The following KL variants were observed in gnomAD, a reference collection of about 807,000 sequenced individuals.
KL encodes klotho, also known as alpha-klotho.
In KL, 62 loss-of-function variants were observed where a neutral mutation model predicts 84.2. The ratio of observed to expected loss-of-function variants is 0.74; its 90% CI spans 0.60 to 0.91. The LOEUF is 0.91. Ranked by LOEUF, KL falls within the 40% of genes least tolerant of loss-of-function variation. The pLI is 0.00. For missense variants in KL, 1,261 were observed against 1,305.7 expected, an observed-to-expected ratio of 0.97 and a Z score of 0.53; for synonymous variants, 528 against 528.0, an observed-to-expected ratio of 1.00 and a Z score of 0.00.
At position 33,064,168 on chromosome 13, in the gene KL, CAGA is replaced by C. The variant is rs1159689975; in HGVS notation, c.3027_3029del (p.Arg1009del). ...TTATATTTTACTACTCGAAGAAAGG[CAGA>C]AGAAGTTACAAATAGTTCTGAACAT... On this transcript the variant is annotated inframe_deletion, in exon 5 of 5. Coordinates refer to ENST00000380099, the MANE Select transcript of KL (RefSeq NM_004795.4). 6 of 1,604,562 alleles carry C rather than the reference CAGA, an allele frequency of 3.7e-6. No individual in the cohort carries two copies. In the South Asian group the frequency reaches 4.4e-5, roughly 12 times the overall value.
At chr13:33,057,170 G>A (rs1031721823) in intron 3 of KL, among the ~76,000 whole-genome samples, 5 of 152,112 alleles carry the variant, frequency 3.3e-5, no homozygotes, top group African/African-American at 1.2e-4. Flanking sequence ...GCTCCCTGCT[G>A]AGCACGGATC....
chr13:33,026,945 AG>A (rs1238272679), intron 1 of KL, among the ~76,000 whole-genome samples: 2 of 152,178 alleles, frequency 1.3e-5, no homozygotes, highest in African/African-American at 4.8e-5. Context: ...CAACAATGTC[AG>A]GCATTTCCGC....
In KL at chr13:33,065,473, G is replaced by T. The variant is rs1311512134; in HGVS notation, c.*1287G>T. 1 of 192,070 alleles carries T rather than the reference G, an allele frequency of 5.2e-6. No individual in the cohort carries two copies. Among genetic ancestry groups the T allele is most frequent in the East Asian group, 8.3e-5 (1 of 12,084 alleles). The allele number at this position is 192,070 out of a possible 1,614,324, so 11.9% of individuals were successfully genotyped here. A position where few individuals can be genotyped will look rare whatever the true frequency, so the allele number is the denominator to read the frequency against. ...TACACTGGAGCTGTTTTATAGATAA[G>T]TCAATATTGTATCAGGCAAGATAAA... On this transcript the variant is annotated 3_prime_UTR_variant, in exon 5 of 5. Coordinates refer to ENST00000380099, the MANE Select transcript of KL (RefSeq NM_004795.4).
intron 1 of KL, among the ~76,000 whole-genome samples, chr13:33,030,106 C>T (rs1053923379): frequency 7.2e-5 from 11 of 152,022 alleles, no homozygotes; most frequent in African/African-American, 2.7e-4. Context: ...TACAAGGAAC[C>T]CATGCCTGAG....
At chr13:33,063,495 G>A (rs952213256) in intron 4 of KL, among the ~76,000 whole-genome samples, 1 of 152,054 alleles carries the variant, frequency 6.6e-6, no homozygotes, top group African/African-American at 2.4e-5. Flanking sequence ...AAAAGTGGCC[G>A]GGCGTGGTGA....
chr13:33,019,730 T>TGAGAGAGAGA (rs1189787025), intron 1 of KL, among the ~76,000 whole-genome samples: 2 of 88,544 alleles, frequency 2.3e-5, no homozygotes, highest in African/African-American at 3.8e-5. Flanking sequence ...TGTGTGTGTG[T>TGAGAGAGAGA]GTGAGAGAGA....
In KL at chr13:33,065,346, G is replaced by T; in HGVS notation, c.*1160G>T. 1 of 206,208 alleles carries T rather than the reference G, an allele frequency of 4.8e-6. No individual in the cohort carries two copies. Among genetic ancestry groups the T allele is most frequent in the Non-Finnish European group, 9.9e-6 (1 of 100,642 alleles). 12.8% of individuals were successfully genotyped at this position (206,208 alleles called of 1,614,324 possible). On this transcript the variant is annotated 3_prime_UTR_variant, in exon 5 of 5. Coordinates refer to ENST00000380099, the MANE Select transcript of KL (RefSeq NM_004795.4). ...AACTAGTTTTACTTTGAACTTTCACGCTGAAACATGCTAGTGATATCTAGA... is the reference window on the plus strand; with the variant it reads ...AACTAGTTTTACTTTGAACTTTCACTCTGAAACATGCTAGTGATATCTAGA...
chr13:33,040,316 G>A (rs1366031527), intron 1 of KL, among the ~76,000 whole-genome samples: 1 of 152,164 alleles, frequency 6.6e-6, no homozygotes, highest in Non-Finnish European at 1.5e-5. Flanking sequence ...CCACACAGTA[G>A]CAGTGACTTT....
chr13:33,017,853 C>G (rs1870430509), intron 1 of KL, among the ~76,000 whole-genome samples: 2 of 152,184 alleles, frequency 1.3e-5, no homozygotes, highest in South Asian at 4.1e-4. Flanking sequence ...GTGAAGACCG[C>G]TTTATACAAT....
At chr13:33,057,484 C>T (rs1340420155) in intron 3 of KL, among the ~76,000 whole-genome samples, 1 of 152,186 alleles carries the variant, frequency 6.6e-6, no homozygotes, top group Non-Finnish European at 1.5e-5. Flanking sequence ...TTTCCTACTA[C>T]ACTCTAGAAG....
chr13:33,021,587 T>C (rs919342106), intron 1 of KL, among the ~76,000 whole-genome samples: 5 of 152,168 alleles, frequency 3.3e-5, no homozygotes, highest in African/African-American at 1.2e-4. Context: ...TTTCTTTCAT[T>C]AAAATGTATT....
At chr13:33,058,107 G>A (rs1872032453) in intron 3 of KL, among the ~76,000 whole-genome samples, 1 of 151,984 alleles carries the variant, frequency 6.6e-6, no homozygotes, top group Non-Finnish European at 1.5e-5. Flanking sequence ...CCATAACCAC[G>A]GATGCTCATA....
intron 3 of KL, among the ~76,000 whole-genome samples, chr13:33,056,275 A>G (rs1871953034): frequency 6.6e-6 from 1 of 152,206 alleles, no homozygotes; most frequent in Non-Finnish European, 1.5e-5. Flanking sequence ...TGGCTTTGAC[A>G]TGTTGGGTTA....
intron 3 of KL, 86 bp from the exon 4 acceptor site, chr13:33,060,593 C>A: frequency 1.3e-6 from 2 of 1,481,890 alleles, no homozygotes; most frequent in South Asian, 1.1e-5. Flanking sequence ...TGCTCATATT[C>A]CTGGCTAGTT....
In KL at chr13:33,061,485, C is replaced by T; in HGVS notation, c.2406C>T (p.Asp802=). The change falls in exon 4 of 5, where the codon GAC becomes GAT. Residue 802 remains aspartate (D), a synonymous_variant. Transcript: ENST00000380099. ...DEKKLIQGTF[D]FLALSHYTTI... is the part of the protein sequence containing the mutation. ...AAAAGCTAATCCAGGGTACCTTTGA[C>T]TTTTTGGCTTTAAGCCATTATACCA... 6.2e-7 allele frequency: 1 copy of T among 1,614,170 alleles called. No individual in the cohort carries two copies. Among genetic ancestry groups the T allele is most frequent in the Middle Eastern group, 1.6e-4 (1 of 6,062 alleles).
rs150658005 is a variant in KL at position 33,047,746 on chromosome 13, G to A, written c.820-6021G>A. ...CAATCCTGCTATTTGTTTTCTTTTT[G>A]TTCCATGTGTTTTTTGTTTTTTATT... On this transcript the variant is annotated intron_variant, in intron 1 of 4. Coordinates refer to ENST00000380099, the MANE Select transcript of KL (RefSeq NM_004795.4). Among the ~76,000 whole-genome samples the A allele has an allele frequency of 4.3e-4, 65 of 152,126 alleles. 1 individual carries two copies. The East Asian group carries it at 0.011, about 26-fold the overall frequency.
intron 1 of KL, among the ~76,000 whole-genome samples, chr13:33,019,730 T>TGAGAGAGA (rs1189787025): frequency 9.0e-5 from 8 of 88,640 alleles, no homozygotes; most frequent in Admixed American, 5.0e-4. Context: ...TGTGTGTGTG[T>TGAGAGAGA]GTGAGAGAGA....
chr13:33,060,928 C>T lies in KL; in HGVS notation c.1849C>T (p.Gln617Ter). Reference sequence around the variant, plus strand: ...GTCCCAGGTGAACCACACCATCCTGCAGTACTATCGCTGCATGGCCAGCGA... The same window carrying T: ...GTCCCAGGTGAACCACACCATCCTGTAGTACTATCGCTGCATGGCCAGCGA... ...NQSQVNHTILQYYRCMASELV... is the reference protein window; with the variant it reads ...NQSQVNHTIL Residue 617 changes from glutamine to a stop codon, truncating the protein, a stop_gained, in exon 4 of 5, where the codon CAG becomes TAG. Coordinates refer to ENST00000380099, the MANE Select transcript of KL (RefSeq NM_004795.4). LOFTEE classifies it high-confidence loss of function. 5.6e-6 allele frequency: 9 copies of T among 1,613,658 alleles called. No homozygotes were observed. The highest frequency in any genetic ancestry group is 7.6e-6 in the Non-Finnish European group (9 of 1,179,574).
rs1453984584 is a variant in KL at position 33,063,051 on chromosome 13, C to A, written c.2702-798C>A. ...TTTTGGGCCCTCTGACGTCAAAAGA[C>A]CACCTCTCAGGCACTTGTGCAGGCC... On this transcript the variant is annotated intron_variant, in intron 4 of 4. Coordinates refer to ENST00000380099, the MANE Select transcript of KL (RefSeq NM_004795.4). Among the ~76,000 whole-genome samples, 4 of 151,932 alleles carry A rather than the reference C, an allele frequency of 2.6e-5. No homozygotes were observed. The East Asian group carries it at 7.8e-4, about 29-fold the overall frequency.
Sources: gnomAD v4.1 joint callset for allele counts (sites outside exome capture counted in the v4.1 genomes callset) on GRCh38, gnomAD v4.1.1 for gene constraint, MANE v1.5 for transcripts, NCBI Gene and HGNC (gene_info 2026-07-23, HGNC 2026-07-21) for gene names.